The following MAF variants were observed in gnomAD, a reference collection of about 807,000 sequenced individuals.
The protein encoded by MAF is MAF bZIP transcription factor, also known as transcription factor Maf.
A neutral mutation model predicts 22.0 loss-of-function variants in MAF; 10 were observed. The ratio of observed to expected loss-of-function variants is 0.45; its 90% CI spans 0.28 to 0.77. The LOEUF (loss-of-function observed/expected upper bound fraction) is 0.77, where lower values mean the gene tolerates loss of function less well. MAF is among the 30% of genes least tolerant of loss of function. MAF has a pLI of 0.12. For synonymous variants in MAF, 337 were observed against 255.8 expected, an observed-to-expected ratio of 1.32 and a Z score of -3.03; for missense variants, 544 against 548.4, an observed-to-expected ratio of 0.99 and a Z score of 0.08.
chr16:79,596,483 A>G lies in MAF; in HGVS notation c.1119-1930T>C, dbSNP rs529460062. ...ACTAAGAAACTGAGTACAGAATCAA[A>G]AAAAAATGCCGTTTATTATTGTAGA... On this transcript the variant is annotated intron_variant, in intron 1 of 1. Coordinates refer to ENST00000326043, the MANE Select transcript of MAF (RefSeq NM_005360.5). 1.3e-3 allele frequency: 1,357 copies of G among 1,051,778 alleles called. 3 individuals are homozygous for G. Among genetic ancestry groups the G allele is most frequent in the Non-Finnish European group, 1.5e-3 (1,328 of 870,420 alleles). 65.2% of individuals were successfully genotyped at this position (1,051,778 alleles called of 1,614,324 possible).
the MAF span, among the ~76,000 whole-genome samples, chr16:79,258,295 C>A: frequency 0.47 from 71,302 of 151,956 alleles, 18,015 homozygotes; most frequent in Non-Finnish European, 0.58. Context: ...CATGCAGGGT[C>A]CGGGAGCCAG....
chr16:79,258,280 T>C, the MAF span, among the ~76,000 whole-genome samples: 511 of 152,276 alleles, frequency 3.4e-3, 8 homozygotes, highest in East Asian at 0.024. Flanking sequence ...TGCAACACTC[T>C]AGAGCATGCA....
the MAF span, among the ~76,000 whole-genome samples, chr16:79,260,509 A>ATATCTATATC: frequency 4.8e-5 from 2 of 42,076 alleles, no homozygotes; most frequent in African/African-American, 7.7e-5. Context: ...ATATCTATAT[A>ATATCTATATC]TTTGTCTGTT....
chr16:79,203,663 A>G, the MAF span: 12 of 152,252 alleles, frequency 7.9e-5, no homozygotes, highest in Middle Eastern at 6.8e-3. Flanking sequence ...TGGTTTTCTA[A>G]AAGACGTAAT....
At chr16:79,213,030 G>GTGATTA in the MAF span, 3 of 151,880 alleles carry the variant, frequency 2.0e-5, no homozygotes, top group African/African-American at 4.8e-5. Flanking sequence ...CAAGTACTTA[G>GTGATTA]TGATTAGCGG....
the MAF span, among the ~76,000 whole-genome samples, chr16:79,335,476 G>A: frequency 2.0e-5 from 3 of 152,134 alleles, no homozygotes; most frequent in Non-Finnish European, 2.9e-5. Flanking sequence ...AAAGACCAGG[G>A]GGGACAGGAA....
chr16:79,381,636 C>CT, the MAF span, among the ~76,000 whole-genome samples: 2 of 152,180 alleles, frequency 1.3e-5, no homozygotes, highest in Non-Finnish European at 2.9e-5. Flanking sequence ...GTCACTCTGT[C>CT]TGGGGGCCCA....
the MAF span, chr16:79,516,037 T>C: frequency 0.84 from 124,513 of 148,614 alleles, 52,376 homozygotes; most frequent in East Asian, 0.92. Flanking sequence ...CTCAAGTGGC[T>C]CCTATCCCAT....
At chr16:79,595,770 T>TA in intron 1 of MAF, 1 of 1,056,894 alleles carries the variant, frequency 9.5e-7, no homozygotes, top group Non-Finnish European at 1.1e-6. Flanking sequence ...CTGAAATCAT[T>TA]ACTAGCTCAT....
chr16:79,532,784 A>C, the MAF span, among the ~76,000 whole-genome samples: 1 of 152,176 alleles, frequency 6.6e-6, no homozygotes, highest in Non-Finnish European at 1.5e-5. Context: ...AATAACACAA[A>C]AGAATCACTG....
chr16:79,206,760 G>T, the MAF span: 2 of 152,206 alleles, frequency 1.3e-5, no homozygotes, highest in African/African-American at 4.8e-5. Flanking sequence ...CATTATAGAA[G>T]TATCACGGTG....
At chr16:79,356,513 T>C in the MAF span, among the ~76,000 whole-genome samples, 3 of 152,170 alleles carry the variant, frequency 2.0e-5, no homozygotes, top group Non-Finnish European at 4.4e-5. Context: ...CTCCTCAACC[T>C]TGTGACTCAC....
chr16:79,567,332 T>A, the MAF span, among the ~76,000 whole-genome samples: 2 of 149,568 alleles, frequency 1.3e-5, no homozygotes, highest in Non-Finnish European at 3.0e-5. Context: ...AAAAAAAAAA[T>A]GCAAATATTA....
At chr16:79,432,662 T>C in the MAF span, among the ~76,000 whole-genome samples, 1 of 152,096 alleles carries the variant, frequency 6.6e-6, no homozygotes. Flanking sequence ...CTTGTGGAAG[T>C]AGTTAAGATG....
chr16:79,212,059 C>CGTGTAGGTGAAAGTAAAAACCTGG, the MAF span: 12 of 1,535,820 alleles, frequency 7.8e-6, no homozygotes, highest in Non-Finnish European at 9.6e-6. Flanking sequence ...TAAAAACCTG[C>CGTGTAGGTGAAAGTAAAAACCTGG]TTGGTGTGTA....
the MAF span, among the ~76,000 whole-genome samples, chr16:79,355,970 G>T: frequency 3.3e-5 from 5 of 152,094 alleles, no homozygotes; most frequent in Non-Finnish European, 7.4e-5. Context: ...TGTCTCTAGG[G>T]AATTCTCCAT....
At chr16:79,551,486 C>T in the MAF span, among the ~76,000 whole-genome samples, 1 of 152,156 alleles carries the variant, frequency 6.6e-6, no homozygotes, top group Non-Finnish European at 1.5e-5. Context: ...CCCAAACTGG[C>T]CCTAACAATT....
At chr16:79,282,710 G>C in the MAF span, among the ~76,000 whole-genome samples, 3 of 152,176 alleles carry the variant, frequency 2.0e-5, no homozygotes, top group South Asian at 2.1e-4. Context: ...ACTGTAAGTA[G>C]ATCTCTTTAC....
chr16:79,569,425 T>G, the MAF span, among the ~76,000 whole-genome samples: 936 of 152,230 alleles, frequency 6.1e-3, 7 homozygotes, highest in African/African-American at 0.021. Context: ...GATGTGGTCT[T>G]TAACTCCTCT....
Sources: allele counts gnomAD v4.1 joint callset (sites outside exome capture counted in the v4.1 genomes callset), GRCh38; gene constraint gnomAD v4.1.1; transcripts MANE v1.5; gene names NCBI Gene and HGNC (gene_info 2026-07-23, HGNC 2026-07-21).